Variants in EXOC6B observed in about 807,000 individuals in gnomAD.
EXOC6B encodes the protein SEC15 homolog B.
A neutral mutation model predicts 113.5 loss-of-function variants in EXOC6B; 54 were observed. The ratio of observed to expected loss-of-function variants is 0.48; its 90% CI spans 0.38 to 0.60. The LOEUF (loss-of-function observed/expected upper bound fraction) is 0.60, where lower values mean the gene tolerates loss of function less well. Ranked by LOEUF, EXOC6B falls within the 20% of genes least tolerant of loss-of-function variation. The pLI, the probability that EXOC6B is intolerant of heterozygous loss-of-function variation, is 0.00. For synonymous variants in EXOC6B, 357 were observed against 339.0 expected, an observed-to-expected ratio of 1.05 and a Z score of -0.58; for missense variants, 797 against 977.5, an observed-to-expected ratio of 0.82 and a Z score of 2.46.
chr2:72,718,338 C>CT, intron 5 of EXOC6B, 31 bp from the exon 6 acceptor site: 2 of 1,591,358 alleles, frequency 1.3e-6, no homozygotes, highest in Non-Finnish European at 1.7e-6. Context: ...CTTTAGCTCA[C>CT]TCAGTTTTCT....
intron 8 of EXOC6B, among the ~76,000 whole-genome samples, chr2:72,527,413 A>C (rs1701797439): frequency 6.6e-6 from 1 of 151,990 alleles, no homozygotes; most frequent in South Asian, 2.1e-4. Flanking sequence ...GTATTCTATT[A>C]TATCAATGTA....
At chr2:72,733,322 A>C (rs1680757222) in intron 2 of EXOC6B, among the ~76,000 whole-genome samples, 1 of 152,134 alleles carries the variant, frequency 6.6e-6, no homozygotes, top group South Asian at 2.1e-4. Flanking sequence ...TGAAAAGAAA[A>C]ATTTGCTAAC....
chr2:72,498,253 A>T (rs1700138822), intron 13 of EXOC6B, among the ~76,000 whole-genome samples: 1 of 152,196 alleles, frequency 6.6e-6, no homozygotes, highest in South Asian at 2.1e-4. Flanking sequence ...ACACTAATAC[A>T]CTGAGACTGG....
rs1156678268 is a variant in EXOC6B, at chr2:72,177,057, C to T, written c.*2278G>A. The T allele has an allele frequency of 6.6e-6, 1 of 152,140 alleles. No homozygotes were observed. The highest frequency in any genetic ancestry group is 2.4e-5 in the African/African-American group (1 of 41,434). The allele number at this position is 152,140 out of a possible 1,614,324, so 9.4% of individuals were successfully genotyped here. ...CAAGAGTATGTCTCTACATACAACT[C>T]AGTAGCTGCATGTTGTTTTTTGTTA... On this transcript the variant is annotated 3_prime_UTR_variant, in exon 22 of 22. Coordinates refer to ENST00000272427, the MANE Select transcript of EXOC6B (RefSeq NM_015189.3).
At chr2:72,750,711 A>G (rs996566550) in intron 1 of EXOC6B, among the ~76,000 whole-genome samples, 1 of 152,122 alleles carries the variant, frequency 6.6e-6, no homozygotes, top group Admixed American at 6.6e-5. Flanking sequence ...CACTCATACT[A>G]TCAATCTTCT....
chr2:72,770,448 A>G (rs561249530), intron 1 of EXOC6B, among the ~76,000 whole-genome samples: 20 of 152,358 alleles, frequency 1.3e-4, no homozygotes, highest in African/African-American at 4.8e-4. Context: ...GTCACATATT[A>G]TGTAACATCC....
chr2:72,794,651 T>A (rs1002815657), intron 1 of EXOC6B, among the ~76,000 whole-genome samples: 3 of 152,208 alleles, frequency 2.0e-5, no homozygotes, highest in Admixed American at 6.5e-5. Context: ...ACTGAGCACC[T>A]ACTATGACTC....
intron 6 of EXOC6B, among the ~76,000 whole-genome samples, chr2:72,687,472 C>CT (rs757063558): frequency 1.7e-3 from 257 of 148,654 alleles, no homozygotes; most frequent in East Asian, 0.01. Flanking sequence ...AATTAAATAG[C>CT]TTTTTTTTTT....
intron 18 of EXOC6B, among the ~76,000 whole-genome samples, chr2:72,420,059 C>T (rs1694778536): frequency 6.6e-6 from 1 of 152,142 alleles, no homozygotes; most frequent in Non-Finnish European, 1.5e-5. Flanking sequence ...ATTCTTTGGT[C>T]TGCCTACTCA....
chr2:72,368,437 A>G (rs1050191872), intron 19 of EXOC6B, among the ~76,000 whole-genome samples: 6 of 151,522 alleles, frequency 4.0e-5, no homozygotes, highest in African/African-American at 1.5e-4. Context: ...CCAGAGGTAC[A>G]AGGAGGAGCT....
At chr2:72,502,757 C>A (rs1424922849) in intron 11 of EXOC6B, among the ~76,000 whole-genome samples, 1 of 152,110 alleles carries the variant, frequency 6.6e-6, no homozygotes, top group Non-Finnish European at 1.5e-5. Context: ...ATTTCCCCTT[C>A]TTTTATTTTA....
intron 20 of EXOC6B, among the ~76,000 whole-genome samples, chr2:72,258,361 CTTTTTTTTTTTT>C (rs967346322): frequency 1.6e-5 from 2 of 124,838 alleles, no homozygotes; most frequent in African/African-American, 6.1e-5. Flanking sequence ...TTATCTTTTT[CTTTTTTTTTTTT>C]TTTTTTTTGA....
intron 18 of EXOC6B, among the ~76,000 whole-genome samples, chr2:72,393,934 T>C (rs1030961655): frequency 1.3e-5 from 2 of 152,004 alleles, no homozygotes; most frequent in African/African-American, 2.4e-5. Flanking sequence ...TAAAGATAAA[T>C]AGAAAAATTA....
chr2:72,388,052 ACTGG>A lies in EXOC6B; in HGVS notation c.1981-8186_1981-8183del. On this transcript the variant is annotated intron_variant, in intron 18 of 21. Coordinates refer to ENST00000272427, the MANE Select transcript of EXOC6B (RefSeq NM_015189.3). ...TCTGAAGACATGTTTGGTTGTCACA[ACTGG>A]CAGGAGGTGGAAGGAGGGGAGAAAC... 2.0e-5 allele frequency among the ~76,000 whole-genome samples: 3 copies of A among 152,250 alleles called. No individual in the cohort carries two copies. The East Asian group carries it at 5.8e-4, about 29-fold the overall frequency.
At chr2:72,549,104 C>T (rs1474178747) in intron 8 of EXOC6B, among the ~76,000 whole-genome samples, 1 of 151,944 alleles carries the variant, frequency 6.6e-6, no homozygotes, top group African/African-American at 2.4e-5. Flanking sequence ...GAGAGGCATA[C>T]ATTCAAAGAA....
chr2:72,271,532 G>A (rs1029113206), intron 20 of EXOC6B, among the ~76,000 whole-genome samples: 3 of 151,784 alleles, frequency 2.0e-5, no homozygotes, highest in African/African-American at 7.3e-5. Flanking sequence ...AGGAAGGAAG[G>A]TAGGGAGGAA....
At chr2:72,300,796 C>T (rs1260482608) in intron 20 of EXOC6B, among the ~76,000 whole-genome samples, 2 of 152,088 alleles carry the variant, frequency 1.3e-5, no homozygotes, top group Admixed American at 1.3e-4. Context: ...TCCCCCGACC[C>T]CTTGCACTTC....
At chr2:72,237,041 T>TG (rs1354920508) in intron 20 of EXOC6B, among the ~76,000 whole-genome samples, 1 of 151,934 alleles carries the variant, frequency 6.6e-6, no homozygotes, top group Non-Finnish European at 1.5e-5. Flanking sequence ...TAGAAAGACT[T>TG]GGGGAAAAAA....
chr2:72,560,842 T>TAA (rs201432418), intron 7 of EXOC6B, among the ~76,000 whole-genome samples: 1 of 139,624 alleles, frequency 7.2e-6, no homozygotes, highest in Non-Finnish European at 1.6e-5. Context: ...AACTTTACTT[T>TAA]AAAAAAAAAA....
Sources: allele counts gnomAD v4.1 joint callset (sites outside exome capture counted in the v4.1 genomes callset), GRCh38; gene constraint gnomAD v4.1.1; transcripts MANE v1.5; gene names NCBI Gene and HGNC (gene_info 2026-07-23, HGNC 2026-07-21).